SOX6: variants seen among roughly 807,000 people sequenced by gnomAD.
The protein encoded by SOX6 is transcription factor SOX-6.
Under a neutral mutation model 97.8 loss-of-function variants are expected in SOX6, and 11 were observed. The observed-to-expected ratio is 0.11, with a 90% CI of 0.07 to 0.19. SOX6 has a LOEUF of 0.19. Among genes scored for constraint, SOX6 ranks in the 10% least tolerant of loss-of-function variants. SOX6 has a pLI of 1.00. For missense variants in SOX6, 810 were observed against 1,039.5 expected, an observed-to-expected ratio of 0.78 and a Z score of 3.04; for synonymous variants, 360 against 371.4, an observed-to-expected ratio of 0.97 and a Z score of 0.35.
At chr11:16,054,037 T>G (rs1405559076) in intron 10 of SOX6, among the ~76,000 whole-genome samples, 2 of 152,120 alleles carry the variant, frequency 1.3e-5, no homozygotes, top group African/African-American at 2.4e-5. Flanking sequence ...TCAAGTCAAA[T>G]TACCCAGAGA....
chr11:16,340,818 G>C (rs953941448), intron 2 of SOX6, among the ~76,000 whole-genome samples, 194 bp downstream of exon 2: 51 of 151,804 alleles, frequency 3.4e-4, no homozygotes, highest in South Asian at 8.3e-4. Flanking sequence ...AATAATAAAC[G>C]TATATACACT....
intron 12 of SOX6, among the ~76,000 whole-genome samples, chr11:16,017,934 T>C (rs911387295): frequency 6.6e-6 from 1 of 152,170 alleles, no homozygotes; most frequent in Non-Finnish European, 1.5e-5. Context: ...CATCTTCATG[T>C]TGACAGTGGA....
intron 4 of SOX6, among the ~76,000 whole-genome samples, chr11:16,507,945 A>T (rs1166748663): frequency 6.6e-6 from 1 of 152,198 alleles, no homozygotes; most frequent in African/African-American, 2.4e-5. Flanking sequence ...GTGAAGAGAC[A>T]ATACGTGGAA....
chr11:16,350,813 T>C (rs1363716457), intron 1 of SOX6, among the ~76,000 whole-genome samples: 1 of 152,114 alleles, frequency 6.6e-6, no homozygotes, highest in East Asian at 1.9e-4. Flanking sequence ...GGATCATCTG[T>C]CTTGTTCATT....
chr11:16,662,255 C>T (rs1357359062), intron 3 of SOX6, among the ~76,000 whole-genome samples: 1 of 152,130 alleles, frequency 6.6e-6, no homozygotes, highest in Non-Finnish European at 1.5e-5. Flanking sequence ...TTATCTTGCC[C>T]TCACTTTGAA....
At chr11:16,536,589 A>G (rs1861311439) in intron 4 of SOX6, among the ~76,000 whole-genome samples, 2 of 152,104 alleles carry the variant, frequency 1.3e-5, no homozygotes, top group Admixed American at 1.3e-4. Flanking sequence ...AAAACAGTAC[A>G]CCCCCACACA....
chr11:16,170,070 C>T (rs1190890980), intron 6 of SOX6, among the ~76,000 whole-genome samples: 2 of 151,978 alleles, frequency 1.3e-5, no homozygotes, highest in Non-Finnish European at 2.9e-5. Flanking sequence ...TTTTAAATAG[C>T]TCCAGTCCTG....
chr11:16,737,090 C>T (rs554848158), intron 1 of SOX6, among the ~76,000 whole-genome samples: 1 of 152,280 alleles, frequency 6.6e-6, no homozygotes, highest in East Asian at 1.9e-4. Flanking sequence ...AATATTTGTA[C>T]ACAGGCAGTG....
At chr11:16,335,219 A>G (rs1193518446) in intron 2 of SOX6, among the ~76,000 whole-genome samples, 2 of 152,208 alleles carry the variant, frequency 1.3e-5, no homozygotes, top group African/African-American at 4.8e-5. Context: ...AGAAAATACT[A>G]TTCAGTGATT....
At chr11:16,245,394 T>A (rs975954338) in intron 3 of SOX6, among the ~76,000 whole-genome samples, 1 of 151,762 alleles carries the variant, frequency 6.6e-6, no homozygotes, top group Non-Finnish European at 1.5e-5. Context: ...AAAATAATAA[T>A]TATCCAGATG....
intron 1 of SOX6, among the ~76,000 whole-genome samples, chr11:16,364,821 T>C (rs189022338): frequency 6.6e-6 from 1 of 152,234 alleles, no homozygotes; most frequent in East Asian, 1.9e-4. Flanking sequence ...ATCAAAACTT[T>C]GGAGTCAGAT....
At chr11:16,736,932 C>T (rs1848395613) in intron 1 of SOX6, among the ~76,000 whole-genome samples, 1 of 152,040 alleles carries the variant, frequency 6.6e-6, no homozygotes, top group African/African-American at 2.4e-5. Context: ...AAAATGTAAC[C>T]CTGACATCTC....
At chr11:16,375,186 C>A (rs978833014) in intron 1 of SOX6, among the ~76,000 whole-genome samples, 14 of 152,050 alleles carry the variant, frequency 9.2e-5, no homozygotes, top group African/African-American at 3.4e-4. Flanking sequence ...AAAGCTTTTT[C>A]AAACTTTCTA....
At chr11:16,504,060 T>G in intron 4 of SOX6, among the ~76,000 whole-genome samples, 1 of 62,258 alleles carries the variant, frequency 1.6e-5, no homozygotes, top group Non-Finnish European at 4.8e-5. Flanking sequence ...AATAAATAAA[T>G]AAATAAATAA....
At position 16,207,577 on chromosome 11, in the gene SOX6, G is replaced by C. The variant is rs1483746625; in HGVS notation, c.536-20622C>G. ...ACCACTGCACCCACCTTGGGCGACA[G>C]AGCGAGACTCCATCTCAAAAAAAAA... On this transcript the variant is annotated intron_variant, in intron 4 of 15. Coordinates refer to ENST00000683767, the MANE Select transcript of SOX6 (RefSeq NM_001367873.1). 6.2e-5 allele frequency among the ~76,000 whole-genome samples: 9 copies of C among 145,596 alleles called. No homozygotes were observed. The South Asian group carries it at 2.0e-3, about 32-fold the overall frequency.
chr11:15,972,962 G>A lies in SOX6; in HGVS notation c.2334C>T (p.Ser778=), dbSNP rs1194826547. The stretch of plus-strand genomic sequence containing the variant: ...CGCCATCTGTCTTCATACCATAAGT[G>A]CTCTGGATGACCGGGAGGCTGGGCT... ...SPEPSLPVIQ[S]TYGMKTDGGS... The change falls in exon 16 of 16, where the codon AGC becomes AGT. Residue 778 remains serine (S), a synonymous_variant. Coordinates refer to ENST00000683767, the MANE Select transcript of SOX6 (RefSeq NM_001367873.1). The A allele has an allele frequency of 1.2e-6, 2 of 1,614,078 alleles. No homozygotes were observed. Among genetic ancestry groups the A allele is most frequent in the African/African-American group, 2.7e-5 (2 of 74,928 alleles).
intron 1 of SOX6, among the ~76,000 whole-genome samples, chr11:16,442,941 G>A (rs1859533748): frequency 1.3e-5 from 2 of 152,050 alleles, no homozygotes; most frequent in African/African-American, 2.4e-5. Context: ...ATAATCAAGT[G>A]CACCACCAAA....
intron 4 of SOX6, among the ~76,000 whole-genome samples, chr11:16,499,274 C>A (rs911600797): frequency 3.3e-5 from 5 of 152,008 alleles, no homozygotes; most frequent in Non-Finnish European, 1.5e-5. Context: ...AACAAAGACA[C>A]AACATACCAG....
At chr11:16,661,617 A>G (rs1306063241) in intron 3 of SOX6, among the ~76,000 whole-genome samples, 2 of 152,000 alleles carry the variant, frequency 1.3e-5, no homozygotes, top group East Asian at 3.9e-4. Context: ...GCGGGGGCAT[A>G]GCTCATCACA....
Sources: allele counts gnomAD v4.1 joint callset (sites outside exome capture counted in the v4.1 genomes callset), GRCh38; gene constraint gnomAD v4.1.1; transcripts MANE v1.5; gene names NCBI Gene and HGNC (gene_info 2026-07-23, HGNC 2026-07-21).